The following YTHDF3 variants were observed in gnomAD, a reference collection of about 807,000 sequenced individuals.
The protein encoded by YTHDF3 is YTH domain-containing family protein 3.
YTHDF3 carries 9 observed loss-of-function variants against 52.5 expected under a neutral mutation model. The observed-to-expected ratio is 0.17, with a 90% CI of 0.10 to 0.30. The LOEUF (loss-of-function observed/expected upper bound fraction) is 0.30, where lower values mean the gene tolerates loss of function less well. YTHDF3 is among the 10% of genes least tolerant of loss of function. The pLI, the probability that YTHDF3 is intolerant of heterozygous loss-of-function variation, is 1.00. For missense variants in YTHDF3, 534 were observed against 715.0 expected (o/e 0.75, Z 2.89); for synonymous variants, 274 against 243.3 (o/e 1.13, Z -1.18).
At chr8:63,177,086 A>G (rs1490952582) in intron 3 of YTHDF3, among the ~76,000 whole-genome samples, 1 of 152,216 alleles carries the variant, frequency 6.6e-6, no homozygotes, top group Non-Finnish European at 1.5e-5. Flanking sequence ...CTGCTTGCAT[A>G]TATGGAGAAA....
At chr8:63,169,198 C>T in intron 1 of YTHDF3, 189 bp from the exon 2 acceptor site, 1 of 1,351,776 alleles carries the variant, frequency 7.4e-7, no homozygotes, top group Non-Finnish European at 9.9e-7. Flanking sequence ...GAGACGGATT[C>T]CGAGTGGCGG....
intron 3 of YTHDF3, among the ~76,000 whole-genome samples, chr8:63,185,425 C>T (rs1334392037): frequency 6.6e-6 from 1 of 151,814 alleles, no homozygotes; most frequent in Non-Finnish European, 1.5e-5. Flanking sequence ...CAAACCTGTT[C>T]TGTAATAGGT....
chr8:63,179,829 C>G (rs1366773240), intron 3 of YTHDF3, among the ~76,000 whole-genome samples: 1 of 151,398 alleles, frequency 6.6e-6, no homozygotes, highest in Admixed American at 6.6e-5. Flanking sequence ...CCGGACGGGG[C>G]GGCTGGCCGG....
At chr8:63,178,858 T>C (rs1369888751) in intron 3 of YTHDF3, among the ~76,000 whole-genome samples, 1 of 152,186 alleles carries the variant, frequency 6.6e-6, no homozygotes, top group Non-Finnish European at 1.5e-5. Context: ...TATAACAGAT[T>C]AGTGAAAACT....
intron 4 of YTHDF3, among the ~76,000 whole-genome samples, chr8:63,205,085 C>T (rs1809934348): frequency 6.6e-6 from 1 of 152,006 alleles, no homozygotes; most frequent in Non-Finnish European, 1.5e-5. Flanking sequence ...TTCCATATGA[C>T]AAATTCCAGT....
chr8:63,190,223 C>T (rs1228583531), intron 4 of YTHDF3, among the ~76,000 whole-genome samples: 2 of 151,946 alleles, frequency 1.3e-5, no homozygotes, highest in African/African-American at 4.8e-5. Context: ...GATGAGATTA[C>T]TTAGGACAAA....
rs1437760161 is a variant in YTHDF3, at chr8:63,169,245, G to T, written c.25-142G>T. 3.8e-6 allele frequency: 5 copies of T among 1,301,486 alleles called. No individual in the cohort carries two copies. The African/African-American group carries it at 4.5e-5, about 12-fold the overall frequency. The allele number at this position is 1,301,486 out of a possible 1,614,324, so 80.6% of individuals were successfully genotyped here. On this transcript the variant is annotated intron_variant, in intron 1 of 4. Transcript: ENST00000539294. ...AAAGGCTGGGGGTGGTTGGGAAATTGGTGGCTGTGGAGGATATGGTGGGTT... is the reference window on the plus strand; with the variant it reads ...AAAGGCTGGGGGTGGTTGGGAAATTTGTGGCTGTGGAGGATATGGTGGGTT...
At chr8:63,174,083 A>C (rs1158631542) in intron 2 of YTHDF3, among the ~76,000 whole-genome samples, 3 of 152,192 alleles carry the variant, frequency 2.0e-5, no homozygotes, top group African/African-American at 7.2e-5. Flanking sequence ...CACTCATGGG[A>C]AAATTTAAGG....
At chr8:63,202,821 A>G (rs1341252654) in intron 4 of YTHDF3, among the ~76,000 whole-genome samples, 1 of 152,074 alleles carries the variant, frequency 6.6e-6, no homozygotes, top group African/African-American at 2.4e-5. Context: ...TGCAGATTTC[A>G]TTCCTGGTAA....
Position 63,183,192 on chromosome 8 carries a change from C to A in YTHDF3, c.136-2955C>A, listed in dbSNP as rs150728318. On this transcript the variant is annotated intron_variant, in intron 3 of 4. Transcript: ENST00000539294. ...GCCAGGCTGGTCTCGAACTCCAGAC[C>A]TCAGGTGATATGCCTGCCTTGGCCT... Among the ~76,000 whole-genome samples the A allele has an allele frequency of 6.2e-3, 951 of 152,236 alleles. 15 individuals carry two copies. Among genetic ancestry groups the A allele is most frequent in the African/African-American group, 0.022 (919 of 41,530 alleles).
At chr8:63,182,908 T>A (rs1187034484) in intron 3 of YTHDF3, among the ~76,000 whole-genome samples, 1 of 123,688 alleles carries the variant, frequency 8.1e-6, no homozygotes, top group African/African-American at 3.1e-5. Flanking sequence ...AAATAAAGGA[T>A]ATGTTTAACT....
chr8:63,187,139 T>C lies in YTHDF3; in HGVS notation c.1128T>C (p.Gly376=). 6.2e-7 allele frequency: 1 copy of C among 1,613,890 alleles called. No homozygotes were observed. Among genetic ancestry groups the C allele is most frequent in the Non-Finnish European group, 8.5e-7 (1 of 1,179,848 alleles). ...QNNGAGSENF[G]LGVVPVSASP... ...ATGGAGCGGGCAGTGAAAACTTTGG[T>C]TTAGGTGTTGTACCTGTCAGTGCTT... Residue 376 remains glycine (G), a synonymous_variant, in exon 4 of 5, where the codon GGT becomes GGC. Coordinates refer to ENST00000539294, the MANE Select transcript of YTHDF3 (RefSeq NM_152758.6).
At chr8:63,169,217 T>A (rs945126501) in intron 1 of YTHDF3, 170 bp from the exon 2 acceptor site, 2 of 1,311,474 alleles carry the variant, frequency 1.5e-6, no homozygotes, top group Admixed American at 5.6e-5. Context: ...GGGTGGGAGG[T>A]TTAAAGGCTG....
At position 63,187,216 on chromosome 8, in the gene YTHDF3, A is replaced by G; in HGVS notation, c.1205A>G (p.Asn402Ser). ...HPVLEKLKAI[N>S]NYNPKDFDWN... is the part of the protein sequence containing the mutation. ...GTGCTGGAAAAGCTAAAGGCCATAA[A>G]CAACTATAATCCCAAAGACTTTGAT... The change falls in exon 4 of 5, where the codon AAC (asparagine) becomes AGC (serine). Residue 402 changes from asparagine (N) to serine (S), a missense_variant. Physicochemically the swap from Asn to Ser is conservative, Grantham distance 46 (BLOSUM62 1). Around this residue, in one of 3 missense-constraint regions of YTHDF3, gnomAD observed 203 missense variants for 201.3 expected, o/e 1.01. Transcript: ENST00000539294. The G allele has an allele frequency of 1.2e-6, 2 of 1,614,056 alleles. No individual in the cohort carries two copies. The highest frequency in any genetic ancestry group is 1.7e-6 in the Non-Finnish European group (2 of 1,179,896).
rs900284402 is a variant in YTHDF3 at position 63,210,470 on chromosome 8, T to C, written c.*764T>C. The C allele has an allele frequency of 1.3e-5, 2 of 152,734 alleles. No homozygotes were observed. Among genetic ancestry groups the C allele is most frequent in the Admixed American group, 6.5e-5 (1 of 15,310 alleles). 9.5% of individuals were successfully genotyped at this position (152,734 alleles called of 1,614,324 possible). The stretch of plus-strand genomic sequence containing the variant: ...GCTACCACTTAATGAATCTCAAAAT[T>C]TTGAGTAAATGTACCTCAGTCTAAT... On this transcript the variant is annotated 3_prime_UTR_variant, in exon 5 of 5. Transcript: ENST00000539294.
chr8:63,175,913 T>C (rs1807658402), intron 3 of YTHDF3, among the ~76,000 whole-genome samples: 1 of 152,228 alleles, frequency 6.6e-6, no homozygotes, highest in African/African-American at 2.4e-5. Flanking sequence ...ACCTTGGTAA[T>C]GTCGGTGATA....
At chr8:63,181,875 C>T (rs545039435) in intron 3 of YTHDF3, among the ~76,000 whole-genome samples, 1 of 152,258 alleles carries the variant, frequency 6.6e-6, no homozygotes, top group East Asian at 1.9e-4. Flanking sequence ...TGGTGAAATA[C>T]TCAGGTTGAA....
At position 63,168,837 on chromosome 8, in the gene YTHDF3, A is replaced by G. The variant is rs1295407084; in HGVS notation, c.-41A>G. ...GCTGTGAGTGCACGGGGAGAGGCCC[A>G]GGCAGCGGCGGCGGCGGCGGCTCTC... On this transcript the variant is annotated 5_prime_UTR_variant, in exon 1 of 5. Transcript: ENST00000539294. 2.6e-6 allele frequency: 4 copies of G among 1,553,082 alleles called. No individual in the cohort carries two copies. The highest frequency in any genetic ancestry group is 1.2e-5 in the South Asian group (1 of 84,182).
rs371984035 is a variant in YTHDF3, at chr8:63,174,014, T to G, written c.50-1317T>G. Among the ~76,000 whole-genome samples, 40 of 152,276 alleles carry G rather than the reference T, an allele frequency of 2.6e-4. No homozygotes were observed. In the South Asian group the frequency reaches 7.5e-3, roughly 28 times the overall value. ...TTGGATGGCAAAGATTTAAGGGATT[T>G]TGTATATCTTTGCTCCCAAGCCACT... On this transcript the variant is annotated intron_variant, in intron 2 of 4. Coordinates refer to ENST00000539294, the MANE Select transcript of YTHDF3 (RefSeq NM_152758.6).
Sources: allele counts gnomAD v4.1 joint callset (sites outside exome capture counted in the v4.1 genomes callset), GRCh38; gene constraint gnomAD v4.1.1; regional missense constraint gnomAD v4.1.1; transcripts MANE v1.5; gene names NCBI Gene and HGNC (gene_info 2026-07-23, HGNC 2026-07-21).